Variants in ROBO1 observed in about 807,000 individuals in gnomAD.
The protein encoded by ROBO1 is roundabout guidance receptor 1.
Under a neutral mutation model 195.9 loss-of-function variants are expected in ROBO1, and 149 were observed. The ratio of observed to expected loss-of-function variants is 0.76; its 90% confidence interval spans 0.67 to 0.87. The LOEUF (loss-of-function observed/expected upper bound fraction) is 0.87. ROBO1 is among the 40% of genes least tolerant of loss of function. ROBO1 has a pLI of 0.00. For synonymous variants in ROBO1, 816 were observed against 733.2 expected (o/e 1.11, Z -1.82); for missense variants, 1,933 against 2,068.3 (o/e 0.93, Z 1.27).
intron 3 of ROBO1, among the ~76,000 whole-genome samples, chr3:78,988,483 C>T (rs182276389): frequency 1.3e-5 from 2 of 152,282 alleles, no homozygotes; most frequent in East Asian, 3.9e-4. Flanking sequence ...AGAAGGCACA[C>T]TACATTACTT....
At chr3:78,734,393 G>A (rs1225656852) in intron 5 of ROBO1, among the ~76,000 whole-genome samples, 5 of 28,714 alleles carry the variant, frequency 1.7e-4, no homozygotes, top group African/African-American at 6.1e-4. Context: ...AGACCCCACC[G>A]CCACAAAAAA....
At chr3:78,781,964 T>C (rs1171759155) in intron 4 of ROBO1, among the ~76,000 whole-genome samples, 3 of 152,100 alleles carry the variant, frequency 2.0e-5, no homozygotes, top group Non-Finnish European at 4.4e-5. Context: ...TCTAAAATTA[T>C]TTGCTGTAAA....
intron 3 of ROBO1, among the ~76,000 whole-genome samples, chr3:79,083,092 G>C (rs1198144654): frequency 6.6e-6 from 1 of 152,112 alleles, no homozygotes; most frequent in Non-Finnish European, 1.5e-5. Context: ...AGCTAGTCGG[G>C]AGGCTGAGGT....
At chr3:79,316,151 T>G (rs1474925912) in intron 2 of ROBO1, among the ~76,000 whole-genome samples, 1 of 152,198 alleles carries the variant, frequency 6.6e-6, no homozygotes, top group Admixed American at 6.5e-5. Context: ...AGACAAACTC[T>G]AAGATGAGAC....
At chr3:79,149,743 T>A (rs2080727828) in intron 2 of ROBO1, among the ~76,000 whole-genome samples, 2 of 151,724 alleles carry the variant, frequency 1.3e-5, no homozygotes, top group African/African-American at 2.4e-5. Flanking sequence ...TTAATCTTTT[T>A]AATTTTTTTT....
chr3:79,325,040 T>C (rs960312926), intron 2 of ROBO1, among the ~76,000 whole-genome samples: 1 of 152,218 alleles, frequency 6.6e-6, no homozygotes, highest in East Asian at 1.9e-4. Flanking sequence ...TAGTTGAGAC[T>C]GATTCTCCGA....
chr3:78,801,532 A>G (rs2084371466), intron 4 of ROBO1, among the ~76,000 whole-genome samples: 1 of 152,126 alleles, frequency 6.6e-6, no homozygotes. Context: ...TAAAATGAAA[A>G]TGTCATATTT....
At chr3:79,331,559 C>T (rs1053460621) in intron 2 of ROBO1, among the ~76,000 whole-genome samples, 2 of 152,006 alleles carry the variant, frequency 1.3e-5, no homozygotes, top group Non-Finnish European at 2.9e-5. Flanking sequence ...AGTTTATTAT[C>T]GGTGGTAACA....
chr3:78,938,532 G>T, intron 4 of ROBO1, 69 bp downstream of exon 4: 2 of 1,377,804 alleles, frequency 1.5e-6, no homozygotes, highest in Non-Finnish European at 2.0e-6. Flanking sequence ...ACTTTTCATT[G>T]CCATGATCAA....
At chr3:79,679,084 C>T (rs1462508861) in intron 1 of ROBO1, among the ~76,000 whole-genome samples, 1 of 151,864 alleles carries the variant, frequency 6.6e-6, no homozygotes, top group Non-Finnish European at 1.5e-5. Context: ...TTCATTTCCC[C>T]TTAATCCCAC....
At chr3:78,949,890 A>T (rs2040677548) in intron 3 of ROBO1, among the ~76,000 whole-genome samples, 3 of 152,248 alleles carry the variant, frequency 2.0e-5, no homozygotes, top group Non-Finnish European at 4.4e-5. Flanking sequence ...ACATTTATGC[A>T]GCCAAAATCA....
chr3:79,204,489 A>G (rs540976457), intron 2 of ROBO1, among the ~76,000 whole-genome samples: 1 of 152,180 alleles, frequency 6.6e-6, no homozygotes, highest in South Asian at 2.1e-4. Context: ...TTGTTAGTAC[A>G]AATAACATGA....
intron 2 of ROBO1, among the ~76,000 whole-genome samples, chr3:79,492,452 T>C (rs1416438196): frequency 6.9e-6 from 1 of 145,740 alleles, no homozygotes; most frequent in African/African-American, 2.5e-5. Flanking sequence ...AAAAAGAGAC[T>C]GTAGAGTTTA....
chr3:78,718,811 GGAGGGAGA>G (rs1303977498), intron 5 of ROBO1, among the ~76,000 whole-genome samples: 66 of 127,504 alleles, frequency 5.2e-4, no homozygotes, highest in East Asian at 4.9e-3. Context: ...AGGAAGGGAG[GGAGGGAGA>G]GAGGGAGAGA....
intron 3 of ROBO1, among the ~76,000 whole-genome samples, chr3:79,011,745 C>T (rs994005384): frequency 6.6e-6 from 1 of 150,702 alleles, no homozygotes; most frequent in Non-Finnish European, 1.5e-5. Context: ...ATGACCATAC[C>T]TAACATGATC....
chr3:79,275,141 A>G (rs1576908876), intron 2 of ROBO1, among the ~76,000 whole-genome samples: 2 of 152,070 alleles, frequency 1.3e-5, no homozygotes, highest in Admixed American at 6.6e-5. Context: ...CAAGGCCAGT[A>G]TTACTCTAAT....
intron 2 of ROBO1, among the ~76,000 whole-genome samples, chr3:79,458,309 G>C (rs964001936): frequency 6.6e-6 from 1 of 151,264 alleles, no homozygotes; most frequent in Non-Finnish European, 1.5e-5. Flanking sequence ...TGGCAGTAAG[G>C]CAGGGCAGAA....
At chr3:79,317,860 C>T (rs2033806599) in intron 2 of ROBO1, among the ~76,000 whole-genome samples, 1 of 152,126 alleles carries the variant, frequency 6.6e-6, no homozygotes, top group African/African-American at 2.4e-5. Context: ...GTGTTATACA[C>T]ACACACACAC....
At chr3:78,884,648 A>AAGGAAGGAAGG (rs2036413307) in intron 4 of ROBO1, among the ~76,000 whole-genome samples, 9 of 107,428 alleles carry the variant, frequency 8.4e-5, no homozygotes, top group Non-Finnish European at 1.1e-4. Context: ...AGAAAGAAAG[A>AAGGAAGGAAGG]AAGGAAGGAA....
Sources: allele counts gnomAD v4.1 joint callset (sites outside exome capture counted in the v4.1 genomes callset), GRCh38; gene constraint gnomAD v4.1.1; transcripts MANE v1.5; gene names NCBI Gene and HGNC (gene_info 2026-07-23, HGNC 2026-07-21).